The following ZBTB38 variants were observed in gnomAD, a reference collection of about 807,000 sequenced individuals.
ZBTB38 encodes the protein zinc finger and BTB domain containing 38.
In ZBTB38, 20 loss-of-function variants were observed where a neutral mutation model predicts 76.8. The observed-to-expected ratio is 0.26, with a 90% confidence interval of 0.18 to 0.38. The LOEUF (loss-of-function observed/expected upper bound fraction) is 0.38, where lower values mean the gene tolerates loss of function less well. Ranked by LOEUF, ZBTB38 falls within the 10% of genes least tolerant of loss-of-function variation. The pLI is 1.00. For synonymous variants in ZBTB38, 504 were observed against 544.2 expected (o/e 0.93, Z 1.03); for missense variants, 1,082 against 1,482.3 (o/e 0.73, Z 4.43).
intron 5 of ZBTB38, among the ~76,000 whole-genome samples, chr3:141,422,965 A>G (rs2075715277): frequency 1.3e-5 from 2 of 152,182 alleles, no homozygotes; most frequent in South Asian, 4.1e-4. Flanking sequence ...CAAAGTCTTA[A>G]TATATGAACT....
At chr3:141,434,510 G>A (rs537167169) in intron 5 of ZBTB38, among the ~76,000 whole-genome samples, 15 of 152,094 alleles carry the variant, frequency 9.9e-5, no homozygotes, top group Non-Finnish European at 1.9e-4. Context: ...CATGAGCATA[G>A]ATTCATTTTC....
chr3:141,367,613 TTAGATGATCCAGGCTCTGCCATGAAC>T (rs1175072678), upstream of ZBTB38: 1 of 152,226 alleles, frequency 6.6e-6, no homozygotes, highest in African/African-American at 2.4e-5. Flanking sequence ...GGATGTGAGA[TTAGATGATCCAGGCTCTGCCATGAAC>T]TAACTAGCTG....
In ZBTB38 at chr3:141,396,831, C is replaced by A. The variant is rs149864247; in HGVS notation, c.-105-7096C>A. Among the ~76,000 whole-genome samples, 83 of 152,264 alleles carry A rather than the reference C, an allele frequency of 5.5e-4. 2 individuals carry two copies. In the East Asian group the frequency reaches 0.011, roughly 19 times the overall value. ...TTTTGAAAGAAATCTTTTCTCTGAG[C>A]AGTAGGTCTCAACAGTGGGCTTAAA... On this transcript the variant is annotated intron_variant, in intron 4 of 5. Transcript: ENST00000321464.
chr3:141,379,070 C>T (rs942510006), intron 2 of ZBTB38, among the ~76,000 whole-genome samples: 1 of 152,212 alleles, frequency 6.6e-6, no homozygotes, highest in Non-Finnish European at 1.5e-5. Flanking sequence ...TTTAACAGCG[C>T]TGCTGTCTCT....
Position 141,443,996 on chromosome 3 carries a change from G to A in ZBTB38, c.1608G>A (p.Lys536=), listed in dbSNP as rs2080741979. Residue 536 remains lysine (K), a synonymous_variant, in exon 6 of 6, where the codon AAG becomes AAA. Coordinates refer to ENST00000321464, the MANE Select transcript of ZBTB38 (RefSeq NM_001376113.1). This position sits in a 1 kb window ranked among gnomAD's most constrained non-coding sequence, Gnocchi z 5.6. The stretch of plus-strand genomic sequence containing the variant: ...ACTATATACTCAAAAATCATCAGAA[G>A]TCTTTCCATGCCATCGATCATAGAC... ...MTYYILKNHQ[K]SFHAIDHRLS... is the part of the protein sequence containing the mutation. 5.0e-6 allele frequency: 8 copies of A among 1,614,010 alleles called. No homozygotes were observed. Among genetic ancestry groups the A allele is most frequent in the African/African-American group, 1.3e-5 (1 of 74,918 alleles).
chr3:141,360,033 T>C (rs1291390262), intron 1 of ZBTB38, among the ~76,000 whole-genome samples: 1 of 152,182 alleles, frequency 6.6e-6, no homozygotes, highest in Non-Finnish European at 1.5e-5. Context: ...AAACCAACAG[T>C]GCTTCCTATA....
chr3:141,360,001 T>G (rs1458832644), intron 1 of ZBTB38, among the ~76,000 whole-genome samples: 2 of 152,160 alleles, frequency 1.3e-5, no homozygotes, highest in African/African-American at 4.8e-5. Flanking sequence ...AGATGAAGTT[T>G]TAAAACCTCA....
Position 141,445,192 on chromosome 3 carries a change from G to C in ZBTB38, c.2804G>C (p.Arg935Thr). ...KKKSRQLKKM[R>T]KVNWRKEHGN... Reference sequence around the variant, plus strand: ...AAATCCAGACAGTTGAAAAAAATGAGGAAAGTCAACTGGAGGAAGGAGCAC... The same window carrying C: ...AAATCCAGACAGTTGAAAAAAATGACGAAAGTCAACTGGAGGAAGGAGCAC... Residue 935 changes from arginine (R) to threonine (T), a missense_variant, in exon 6 of 6, where the codon AGG becomes ACG. Arg to Thr is a moderately conservative substitution (Grantham distance 71, BLOSUM62 -1). Around this residue, in one of 8 missense-constraint regions of ZBTB38, gnomAD observed 471 missense variants for 581.0 expected, o/e 0.81. Transcript: ENST00000321464. This position sits in a 1 kb window ranked among gnomAD's most constrained non-coding sequence, Gnocchi z 6.5. 6.2e-7 allele frequency: 1 copy of C among 1,614,118 alleles called. No individual in the cohort carries two copies. Among genetic ancestry groups the C allele is most frequent in the Non-Finnish European group, 8.5e-7 (1 of 1,180,018 alleles).
At chr3:141,416,676 T>G (rs1386664204) in intron 5 of ZBTB38, among the ~76,000 whole-genome samples, 1 of 152,198 alleles carries the variant, frequency 6.6e-6, no homozygotes, top group Admixed American at 6.5e-5. Context: ...TTCACAGATG[T>G]AATTAAGGAT....
intron 1 of ZBTB38, among the ~76,000 whole-genome samples, chr3:141,352,342 G>T (rs976326162): frequency 5.9e-5 from 9 of 151,986 alleles, no homozygotes; most frequent in African/African-American, 2.2e-4. Context: ...ATATGTCTGT[G>T]TCCTCAAGGT....
intron 1 of ZBTB38, among the ~76,000 whole-genome samples, chr3:141,339,737 G>A (rs1943115352): frequency 6.6e-6 from 1 of 152,188 alleles, no homozygotes; most frequent in African/African-American, 2.4e-5. Context: ...ATTCGAGGAG[G>A]AGTGGGGAAT....
At position 141,445,245 on chromosome 3, in the gene ZBTB38, A is replaced by T; in HGVS notation, c.2857A>T (p.Lys953Ter). 6.2e-7 allele frequency: 1 copy of T among 1,614,238 alleles called. No homozygotes were observed. Among genetic ancestry groups the T allele is most frequent in the Non-Finnish European group, 8.5e-7 (1 of 1,180,036 alleles). ...HGNRSPSHKC[K>*]YPAELDCAVG... The stretch of plus-strand genomic sequence containing the variant: ...AAACAGGAGCCCGAGCCATAAATGT[A>T]AATACCCAGCAGAACTGGATTGCGC... Residue 953 changes from lysine to a stop codon, truncating the protein, a stop_gained, in exon 6 of 6, where the codon AAA becomes TAA. Coordinates refer to ENST00000321464, the MANE Select transcript of ZBTB38 (RefSeq NM_001376113.1). LOFTEE classifies it high-confidence loss of function. This position sits in a 1 kb window ranked among gnomAD's most constrained non-coding sequence, Gnocchi z 6.5.
In ZBTB38 at chr3:141,441,821, T is replaced by C. The variant is rs116659570; in HGVS notation, c.1-568T>C. ...GTCCCAGCTATTCAGGAAGCTGAGG[T>C]GAGAGAATCGCTTGAGCCGGGGAAG... On this transcript the variant is annotated intron_variant, in intron 5 of 5. Coordinates refer to ENST00000321464, the MANE Select transcript of ZBTB38 (RefSeq NM_001376113.1). Among the ~76,000 whole-genome samples, 857 of 151,746 alleles carry C rather than the reference T, an allele frequency of 5.6e-3. 15 individuals carry two copies. Among genetic ancestry groups the C allele is most frequent in the African/African-American group, 0.02 (823 of 41,378 alleles).
At chr3:141,390,759 G>A (rs1235825197) in intron 4 of ZBTB38, among the ~76,000 whole-genome samples, 2 of 152,168 alleles carry the variant, frequency 1.3e-5, no homozygotes, top group Non-Finnish European at 2.9e-5. Context: ...CTACATGCCA[G>A]GCATATTCCA....
At chr3:141,325,072 T>C (rs1942631630) in intron 1 of ZBTB38, among the ~76,000 whole-genome samples, 1 of 152,228 alleles carries the variant, frequency 6.6e-6, no homozygotes, top group Non-Finnish European at 1.5e-5. Flanking sequence ...TTTATTTTGG[T>C]GTACAAACAG....
rs1268287268 is a variant in ZBTB38 at position 141,448,900 on chromosome 3, G to C, written c.*2924G>C. On this transcript the variant is annotated 3_prime_UTR_variant, in exon 6 of 6. Coordinates refer to ENST00000321464, the MANE Select transcript of ZBTB38 (RefSeq NM_001376113.1). Reference sequence around the variant, plus strand: ...AAAAAGCAGAATAAAAGAGATTGAAGTCTTCTGATGATTGAGTGTTTTGGA... The same window carrying C: ...AAAAAGCAGAATAAAAGAGATTGAACTCTTCTGATGATTGAGTGTTTTGGA... 1 of 152,168 alleles carries C rather than the reference G, an allele frequency of 6.6e-6. No homozygotes were observed. Among genetic ancestry groups the C allele is most frequent in the East Asian group, 1.9e-4 (1 of 5,192 alleles). 9.4% of individuals were successfully genotyped at this position (152,168 alleles called of 1,614,324 possible).
chr3:141,333,764 C>A (rs1448214775), intron 1 of ZBTB38, among the ~76,000 whole-genome samples: 2 of 152,180 alleles, frequency 1.3e-5, no homozygotes, highest in Admixed American at 1.3e-4. Context: ...AGCACACACT[C>A]ACTGTGTAAG....
chr3:141,388,535 T>G (rs1232442796), intron 4 of ZBTB38: 2 of 152,192 alleles, frequency 1.3e-5, no homozygotes, highest in African/African-American at 4.8e-5. Flanking sequence ...TTCTGGCACT[T>G]TTCAAAATAA....
chr3:141,376,563 T>G (rs879851764), intron 2 of ZBTB38, among the ~76,000 whole-genome samples: 5 of 152,236 alleles, frequency 3.3e-5, no homozygotes, highest in Non-Finnish European at 7.3e-5. Context: ...TTGAATCAGA[T>G]GGAGGGTGAC....
Sources: gnomAD v4.1 joint callset for allele counts (sites outside exome capture counted in the v4.1 genomes callset) on GRCh38, gnomAD v4.1.1 for gene constraint, gnomAD v4.1.1 regional missense constraint, Gnocchi (gnomAD v3.1) non-coding constraint, MANE v1.5 for transcripts, NCBI Gene and HGNC (gene_info 2026-07-23, HGNC 2026-07-21) for gene names.